CEP128: variants seen among roughly 807,000 people sequenced by gnomAD.
The protein encoded by CEP128 is centrosomal protein 128kDa.
A neutral mutation model predicts 156.7 loss-of-function variants in CEP128; 132 were observed. That is an observed-to-expected ratio of 0.84 (90% CI 0.73 to 0.97). The LOEUF (loss-of-function observed/expected upper bound fraction) is 0.97, where lower values mean the gene tolerates loss of function less well. CEP128 is among the 50% of genes least tolerant of loss of function. The pLI is 0.00. For synonymous variants in CEP128, 469 were observed against 448.9 expected, an observed-to-expected ratio of 1.04 and a Z score of -0.57; for missense variants, 1,252 against 1,281.9, an observed-to-expected ratio of 0.98 and a Z score of 0.36.
intron 1 of CEP128, among the ~76,000 whole-genome samples, chr14:80,940,775 T>G (rs1426266983): frequency 6.6e-6 from 1 of 152,232 alleles, no homozygotes; most frequent in African/African-American, 2.4e-5. Context: ...TTTCACCAGT[T>G]TCTTTTTACT....
At chr14:80,809,672 C>T in intron 13 of CEP128, among the ~76,000 whole-genome samples, 1 of 152,066 alleles carries the variant, frequency 6.6e-6, no homozygotes, top group Non-Finnish European at 1.5e-5. Flanking sequence ...GTGAACTTCT[C>T]AGCAGAAACT....
At chr14:80,932,480 T>C (rs936918558) in intron 2 of CEP128, among the ~76,000 whole-genome samples, 6 of 152,222 alleles carry the variant, frequency 3.9e-5, no homozygotes, top group Admixed American at 2.0e-4. Context: ...CAAAATATCC[T>C]GAGATTGCCT....
chr14:80,904,725 A>G, intron 6 of CEP128, 88 bp downstream of exon 6: 1 of 788,078 alleles, frequency 1.3e-6, no homozygotes, highest in East Asian at 2.4e-5. Context: ...TGGTTAAAAT[A>G]TAGCCTTAAA....
intron 19 of CEP128, among the ~76,000 whole-genome samples, chr14:80,740,976 A>G (rs527804431): frequency 6.6e-6 from 1 of 152,248 alleles, no homozygotes; most frequent in South Asian, 2.1e-4. Flanking sequence ...CCCAAACTGG[A>G]AATACTAAGT....
intron 23 of CEP128, among the ~76,000 whole-genome samples, chr14:80,519,874 T>C (rs563386783): frequency 6.6e-5 from 10 of 152,328 alleles, no homozygotes; most frequent in African/African-American, 2.2e-4. Flanking sequence ...GATGATCATT[T>C]CTTGACCAAA....
At chr14:80,887,567 T>A (rs1888868331) in intron 8 of CEP128, among the ~76,000 whole-genome samples, 3 of 152,190 alleles carry the variant, frequency 2.0e-5, no homozygotes, top group Admixed American at 2.0e-4. Flanking sequence ...ATCAAGAAGT[T>A]CTTTGAAACC....
chr14:80,501,734 G>C (rs1887744977), intron 24 of CEP128, among the ~76,000 whole-genome samples: 1 of 151,912 alleles, frequency 6.6e-6, no homozygotes, highest in Non-Finnish European at 1.5e-5. Context: ...TCGATCTCCA[G>C]ACCTCGCGAT....
chr14:80,633,056 G>A (rs1894027903), intron 19 of CEP128, among the ~76,000 whole-genome samples: 1 of 151,968 alleles, frequency 6.6e-6, no homozygotes. Flanking sequence ...GTGGGACTCC[G>A]TTTCTACAAA....
chr14:80,912,078 G>A (rs773261667), intron 4 of CEP128, among the ~76,000 whole-genome samples: 56 of 152,040 alleles, frequency 3.7e-4, no homozygotes, highest in Non-Finnish European at 7.1e-4. Flanking sequence ...TTAACTGGGC[G>A]TAGTGGCATG....
At chr14:80,544,871 G>A (rs1871996209) in intron 21 of CEP128, among the ~76,000 whole-genome samples, 1 of 152,052 alleles carries the variant, frequency 6.6e-6, no homozygotes, top group Non-Finnish European at 1.5e-5. Context: ...GACAGAATGG[G>A]ACTTACTATG....
At chr14:80,689,555 T>C (rs147754649) in intron 19 of CEP128, among the ~76,000 whole-genome samples, 1 of 152,198 alleles carries the variant, frequency 6.6e-6, no homozygotes, top group Non-Finnish European at 1.5e-5. Context: ...ATACAGAAGA[T>C]ACAACTGTAT....
At chr14:80,499,098 G>T (rs928335157) in intron 24 of CEP128, among the ~76,000 whole-genome samples, 20 of 152,194 alleles carry the variant, frequency 1.3e-4, no homozygotes, top group African/African-American at 4.6e-4. Context: ...CACTTTCATA[G>T]AATTAAATCC....
intron 19 of CEP128, among the ~76,000 whole-genome samples, chr14:80,679,721 T>TCTTTGTTCTCCTTTTTGCC (rs1896236708): frequency 6.7e-6 from 1 of 149,374 alleles, no homozygotes; most frequent in Non-Finnish European, 1.5e-5. Context: ...AAGCATGTGA[T>TCTTTGTTCTCCTTTTTGCC]CTTTGTTCTC....
intron 13 of CEP128, among the ~76,000 whole-genome samples, chr14:80,827,261 T>C (rs1885530653): frequency 6.6e-6 from 1 of 152,216 alleles, no homozygotes; most frequent in South Asian, 2.1e-4. Flanking sequence ...TTTTACAACA[T>C]ATTATTTCAT....
At chr14:80,948,561 G>A (rs1886395234) in intron 2 of CEP128, among the ~76,000 whole-genome samples, 1 of 152,164 alleles carries the variant, frequency 6.6e-6, no homozygotes, top group Non-Finnish European at 1.5e-5. Context: ...CCACTTTAAT[G>A]GGGACTTTCT....
At chr14:80,774,064 T>G (rs1443589958) in intron 16 of CEP128, among the ~76,000 whole-genome samples, 1 of 152,194 alleles carries the variant, frequency 6.6e-6, no homozygotes, top group African/African-American at 2.4e-5. Context: ...AAAATGCATT[T>G]TAATACCATA....
At chr14:80,504,754 T>C (rs1233072152) in intron 24 of CEP128, among the ~76,000 whole-genome samples, 158 bp downstream of exon 24, 1 of 152,244 alleles carries the variant, frequency 6.6e-6, no homozygotes, top group East Asian at 1.9e-4. Flanking sequence ...GTAAACTGTG[T>C]ACTATTATGA....
At chr14:80,482,420 T>C (rs1249930051) in intron 14 of CEP128, among the ~76,000 whole-genome samples, 1 of 152,228 alleles carries the variant, frequency 6.6e-6, no homozygotes. Context: ...TTCTTAGTTA[T>C]AATGTCATCA....
intron 19 of CEP128, among the ~76,000 whole-genome samples, chr14:80,680,540 A>C (rs1014870402): frequency 2.0e-5 from 3 of 152,134 alleles, no homozygotes; most frequent in Non-Finnish European, 4.4e-5. Context: ...CCACACGCAG[A>C]CAAATATCCA....
Sources: gnomAD v4.1 joint callset for allele counts (sites outside exome capture counted in the v4.1 genomes callset) on GRCh38, gnomAD v4.1.1 for gene constraint, MANE v1.5 for transcripts, NCBI Gene and HGNC (gene_info 2026-07-23, HGNC 2026-07-21) for gene names.